The following ZCCHC14 variants were observed in gnomAD, a reference collection of about 807,000 sequenced individuals.
The protein encoded by ZCCHC14 is zinc finger CCHC-type containing 14.
ZCCHC14 carries 16 observed loss-of-function variants against 85.0 expected under a neutral mutation model. The observed-to-expected ratio is 0.19, with a 90% CI of 0.13 to 0.29. The LOEUF (loss-of-function observed/expected upper bound fraction) is 0.29, where lower values mean the gene tolerates loss of function less well. Ranked by LOEUF, ZCCHC14 falls within the 10% of genes least tolerant of loss-of-function variation. ZCCHC14 has a pLI of 1.00. For missense variants in ZCCHC14, 1,303 were observed against 1,443.5 expected (o/e 0.90, Z 1.58); for synonymous variants, 775 against 630.7 (o/e 1.23, Z -3.43).
At chr16:87,439,162 G>A (rs1291728470) in intron 2 of ZCCHC14, among the ~76,000 whole-genome samples, 2 of 150,278 alleles carry the variant, frequency 1.3e-5, no homozygotes, top group African/African-American at 4.9e-5. Context: ...TTTTTTTAGA[G>A]GGAGTCTTGC....
rs1235962989 is a variant in ZCCHC14 at position 87,413,134 on chromosome 16, C to G, written c.1665G>C (p.Glu555Asp). 1.9e-6 allele frequency: 3 copies of G among 1,611,374 alleles called. No individual in the cohort carries two copies. Among genetic ancestry groups the G allele is most frequent in the Non-Finnish European group, 1.7e-6 (2 of 1,178,904 alleles). Reference protein sequence around the residue: ...HQLPREGSSSEYSSSSSSPMG... With the variant: ...HQLPREGSSSDYSSSSSSPMG... The stretch of plus-strand genomic sequence containing the variant: ...TGGGGCTGGAGGAGGAGCTGGAGTA[C>G]TCCGAGGAACTGCCTTCCCGGGGCA... The change falls in exon 11 of 13, where the codon GAG becomes GAC. Residue 555 changes from glutamate (E) to aspartate (D), a missense_variant. Physicochemically the swap from Glu to Asp is conservative, Grantham distance 45. Coordinates refer to ENST00000671377, the MANE Select transcript of ZCCHC14 (RefSeq NM_015144.3).
rs138646739 is a variant in ZCCHC14 at position 87,488,108 on chromosome 16, G to C, written c.570+3561C>G. Among the ~76,000 whole-genome samples, 1,186 of 152,216 alleles carry C rather than the reference G, an allele frequency of 7.8e-3. 20 individuals are homozygous for C. The highest frequency in any genetic ancestry group is 0.026 in the African/African-American group (1,086 of 41,522). ...ACTGACTTCACTGTAAAAGGGTGAA[G>C]TATATATAGTATATGAATTCTCTTT... On this transcript the variant is annotated intron_variant, in intron 1 of 12. Transcript: ENST00000671377.
At chr16:87,423,414 T>A (rs1310651405) in intron 4 of ZCCHC14, among the ~76,000 whole-genome samples, 4 of 151,948 alleles carry the variant, frequency 2.6e-5, no homozygotes, top group Non-Finnish European at 5.9e-5. Context: ...AATAAATAAA[T>A]AAAAACAGAT....
intron 2 of ZCCHC14, among the ~76,000 whole-genome samples, chr16:87,451,289 C>G (rs1187452132): frequency 6.6e-6 from 1 of 151,152 alleles, no homozygotes. Flanking sequence ...CTTCGCCTCC[C>G]GGGTTCAAGC....
At chr16:87,476,304 T>TTCCC (rs1305158227) in intron 1 of ZCCHC14, among the ~76,000 whole-genome samples, 5 of 152,206 alleles carry the variant, frequency 3.3e-5, no homozygotes, top group Non-Finnish European at 7.3e-5. Context: ...TAGACCTGGT[T>TTCCC]CCACTTAGGG....
Position 87,459,738 on chromosome 16 carries a change from A to G in ZCCHC14, c.694+270T>C, listed in dbSNP as rs112577579. On this transcript the variant is annotated intron_variant, in intron 2 of 12. Coordinates refer to ENST00000671377, the MANE Select transcript of ZCCHC14 (RefSeq NM_015144.3). ...TGGTCAGGCTGGTCTCAAACTCCCA[A>G]CCTCAGGTGATCCGCCCACCTCAGT... is the stretch of plus-strand genomic sequence containing the variant. Among the ~76,000 whole-genome samples the G allele has an allele frequency of 7.0e-3, 1,059 of 152,072 alleles. 6 individuals are homozygous for G. Among genetic ancestry groups the G allele is most frequent in the Non-Finnish European group, 0.013 (853 of 67,974 alleles).
intron 2 of ZCCHC14, among the ~76,000 whole-genome samples, chr16:87,438,540 G>A (rs920417838): frequency 6.6e-6 from 1 of 152,228 alleles, no homozygotes; most frequent in Admixed American, 6.5e-5. Context: ...TATTCATTGA[G>A]TAACTAAGGT....
At chr16:87,427,936 A>G (rs957775583) in intron 3 of ZCCHC14, among the ~76,000 whole-genome samples, 1 of 118,374 alleles carries the variant, frequency 8.4e-6, no homozygotes, top group African/African-American at 3.3e-5. Context: ...CCTGGCCTCT[A>G]TGATTTTTTT....
At chr16:87,442,560 A>C (rs1177997233) in intron 2 of ZCCHC14, among the ~76,000 whole-genome samples, 3 of 152,302 alleles carry the variant, frequency 2.0e-5, no homozygotes, top group African/African-American at 7.2e-5. Context: ...AAAGAACCAA[A>C]TGAAAATTTA....
intron 2 of ZCCHC14, among the ~76,000 whole-genome samples, chr16:87,453,984 A>C (rs1910832090): frequency 6.6e-6 from 1 of 152,252 alleles, no homozygotes; most frequent in Non-Finnish European, 1.5e-5. Context: ...AGAACCATAC[A>C]CAAATTCTGA....
At position 87,492,917 on chromosome 16, in the gene ZCCHC14, G is replaced by GGCGA. The variant is rs1912846074; in HGVS notation, c.-680_-679insTCGC. Among the ~76,000 whole-genome samples the GGCGA allele has an allele frequency of 1.4e-4, 20 of 145,324 alleles. No individual in the cohort carries two copies. The highest frequency in any genetic ancestry group is 3.4e-3 in the Middle Eastern group (1 of 292). ...GGATCCGGGCCCGAGCGCGGCGGCGGCGGCGACGGCGACGGCGACGGCGAC... is the reference window on the plus strand; with the variant it reads ...GGATCCGGGCCCGAGCGCGGCGGCGGGCGACGGCGACGGCGACGGCGACGGCGAC... On this transcript the variant is annotated 5_prime_UTR_variant, in exon 1 of 13. Transcript: ENST00000671377. The surrounding 1 kb of genome is among the most constrained non-coding windows in gnomAD (Gnocchi z 6.7).
In ZCCHC14 at chr16:87,492,424, G is replaced by A. The variant is rs866763208; in HGVS notation, c.-186C>T. The A allele has an allele frequency of 5.5e-5, 8 of 144,952 alleles. No individual in the cohort carries two copies. The highest frequency in any genetic ancestry group is 1.7e-4 in the African/African-American group (7 of 40,522). The allele number at this position is 144,952 out of a possible 1,614,324, so 9.0% of individuals were successfully genotyped here. A position where few individuals can be genotyped will look rare whatever the true frequency, so the allele number is the denominator to read the frequency against. On this transcript the variant is annotated 5_prime_UTR_variant, in exon 1 of 13. Transcript: ENST00000671377. This position sits in a 1 kb window ranked among gnomAD's most constrained non-coding sequence, Gnocchi z 6.7. ...GGGCGGGGGCGGGGACCGGGGCCGG[G>A]CAAGGCTCCCGTCAGGGGCCGGCGG...
intron 2 of ZCCHC14, 45 bp downstream of exon 2, chr16:87,459,963 C>G (rs751869670): frequency 1.2e-6 from 2 of 1,612,966 alleles, no homozygotes; most frequent in South Asian, 2.2e-5. Flanking sequence ...GTGTGCCCAT[C>G]CTCCGTCCGT....
At chr16:87,489,267 C>A (rs1912645264) in intron 1 of ZCCHC14, among the ~76,000 whole-genome samples, 1 of 152,116 alleles carries the variant, frequency 6.6e-6, no homozygotes, top group Non-Finnish European at 1.5e-5. Flanking sequence ...AATGACAGCC[C>A]AAGGTTACTC....
intron 2 of ZCCHC14, among the ~76,000 whole-genome samples, chr16:87,456,570 T>A (rs1396060883): frequency 1.4e-5 from 2 of 145,990 alleles, no homozygotes; most frequent in African/African-American, 5.0e-5. Flanking sequence ...AAAATTTAGA[T>A]TTTAGGTGAA....
intron 1 of ZCCHC14, among the ~76,000 whole-genome samples, chr16:87,475,403 A>G (rs1401096943): frequency 6.6e-6 from 1 of 152,082 alleles, no homozygotes; most frequent in Non-Finnish European, 1.5e-5. Context: ...AAATAAAAAA[A>G]TTACCTGAGT....
chr16:87,420,169 C>T lies in ZCCHC14; in HGVS notation c.951-292G>A, dbSNP rs561166524. On this transcript the variant is annotated intron_variant, in intron 5 of 12. Transcript: ENST00000671377. The surrounding 1 kb of genome is among the most constrained non-coding windows in gnomAD (Gnocchi z 5.0). ...CCCACCAGCCAGAAAGGTGCTTGGA[C>T]ACTGGTCCCCAGGGCCCCGGCAGCA... Among the ~76,000 whole-genome samples, 4 of 152,348 alleles carry T rather than the reference C, an allele frequency of 2.6e-5. No homozygotes were observed. In the East Asian group the frequency reaches 7.7e-4, roughly 29 times the overall value.
chr16:87,422,912 G>A (rs549817739), intron 4 of ZCCHC14, among the ~76,000 whole-genome samples: 3 of 152,134 alleles, frequency 2.0e-5, no homozygotes, highest in Non-Finnish European at 4.4e-5. Flanking sequence ...TCCCGGGGGG[G>A]GGTGTGTGTT....
chr16:87,476,770 G>A (rs1308872006), intron 1 of ZCCHC14, among the ~76,000 whole-genome samples: 4 of 150,700 alleles, frequency 2.7e-5, no homozygotes, highest in East Asian at 2.0e-4. Flanking sequence ...ATGGCGGGAG[G>A]GAATTCTCTG....
Sources: allele counts gnomAD v4.1 joint callset (sites outside exome capture counted in the v4.1 genomes callset), GRCh38; gene constraint gnomAD v4.1.1; non-coding constraint Gnocchi (gnomAD v3.1); transcripts MANE v1.5; gene names NCBI Gene and HGNC (gene_info 2026-07-23, HGNC 2026-07-21).